The following GNB5 variants were observed in gnomAD, a reference collection of about 807,000 sequenced individuals.
The protein encoded by GNB5 is G protein subunit beta 5, also known as guanine nucleotide-binding protein subunit beta-5.
A neutral mutation model predicts 55.3 loss-of-function variants in GNB5; 37 were observed. The observed-to-expected ratio is 0.67, with a 90% confidence interval of 0.51 to 0.88. GNB5 has a LOEUF of 0.88. GNB5 is among the 40% of genes least tolerant of loss of function. The pLI, the probability that GNB5 is intolerant of heterozygous loss-of-function variation, is 0.00. For missense variants in GNB5, 476 were observed against 515.3 expected, an observed-to-expected ratio of 0.92 and a Z score of 0.74; for synonymous variants, 219 against 198.5, an observed-to-expected ratio of 1.10 and a Z score of -0.87.
At position 52,120,877 on chromosome 15, in the gene GNB5, C is replaced by T. The variant is rs1209458768; in HGVS notation, c.*1880G>A. 4 of 152,262 alleles carry T rather than the reference C, an allele frequency of 2.6e-5. No individual in the cohort carries two copies. Among genetic ancestry groups the T allele is most frequent in the Non-Finnish European group, 5.9e-5 (4 of 68,068 alleles). The allele number at this position is 152,262 out of a possible 1,614,324, so 9.4% of individuals were successfully genotyped here. A position where few individuals can be genotyped will look rare whatever the true frequency, so the allele number is the denominator to read the frequency against. On this transcript the variant is annotated 3_prime_UTR_variant, in exon 13 of 13. Coordinates refer to ENST00000261837, the MANE Select transcript of GNB5 (RefSeq NM_016194.4). ...GAAGGCAGAGGCCCTTCATTTTTCT[C>T]TCTCTACCCCAGACCCCAGTGTACA...
intron 3 of GNB5, among the ~76,000 whole-genome samples, chr15:52,157,778 C>A (rs966720270): frequency 4.0e-5 from 6 of 151,856 alleles, no homozygotes; most frequent in Non-Finnish European, 8.8e-5. Flanking sequence ...ATTATTTTTT[C>A]TCACTACATT....
intron 9 of GNB5, chr15:52,128,620 A>G: frequency 2.0e-6 from 1 of 505,480 alleles, no homozygotes. Context: ...GCCACATTGG[A>G]TGTCTGCACT....
intron 6 of GNB5, among the ~76,000 whole-genome samples, chr15:52,144,679 G>C (rs1260635185): frequency 6.6e-6 from 1 of 152,158 alleles, no homozygotes; most frequent in African/African-American, 2.4e-5. Flanking sequence ...AGAGGAACTT[G>C]AGACTAAAGG....
intron 3 of GNB5, among the ~76,000 whole-genome samples, chr15:52,168,211 T>C (rs2034487610): frequency 6.6e-6 from 1 of 152,224 alleles, no homozygotes; most frequent in African/African-American, 2.4e-5. Context: ...AGTCAAATTA[T>C]CTTTGTTTGC....
chr15:52,153,421 C>A (rs1202402330), intron 4 of GNB5, among the ~76,000 whole-genome samples: 5 of 152,190 alleles, frequency 3.3e-5, no homozygotes, highest in Non-Finnish European at 4.4e-5. Flanking sequence ...GCCTGACTCT[C>A]AGAAACCATG....
Position 52,153,921 on chromosome 15 carries a change from T to A in GNB5, c.375+19A>T. 1 of 1,601,306 alleles carries A rather than the reference T, an allele frequency of 6.2e-7. No homozygotes were observed. The highest frequency in any genetic ancestry group is 8.5e-7 in the Non-Finnish European group (1 of 1,169,754). On this transcript the variant is annotated intron_variant, in intron 4 of 12. Coordinates refer to ENST00000261837, the MANE Select transcript of GNB5 (RefSeq NM_016194.4). ...AAATCCAAAACCCGCTCACCTGTTA[T>A]GCAGCAGGTGTGACATACCTGTGAC...
intron 3 of GNB5, among the ~76,000 whole-genome samples, chr15:52,179,469 C>G (rs1464357917): frequency 2.0e-5 from 3 of 151,970 alleles, no homozygotes; most frequent in Non-Finnish European, 4.4e-5. Context: ...AGAACGCGAT[C>G]CGTTCGCAGC....
At position 52,122,705 on chromosome 15, in the gene GNB5, A is replaced by G. The variant is rs1290177799; in HGVS notation, c.*52T>C. On this transcript the variant is annotated 3_prime_UTR_variant, in exon 13 of 13. Transcript: ENST00000261837. ...TCCTCTAGAAGTAATATCTATTTAC[A>G]TGTGAAGATTTCAAATTCTCAGGTA... 12 of 1,408,834 alleles carry G rather than the reference A, an allele frequency of 8.5e-6. No homozygotes were observed. The East Asian group carries it at 2.5e-4, about 29-fold the overall frequency. 87.3% of individuals were successfully genotyped at this position (1,408,834 alleles called of 1,614,324 possible). A position where few individuals can be genotyped will look rare whatever the true frequency, so the allele number is the denominator to read the frequency against.
chr15:52,175,919 T>G (rs1384972741), intron 3 of GNB5, among the ~76,000 whole-genome samples: 2 of 151,462 alleles, frequency 1.3e-5, no homozygotes, highest in East Asian at 3.9e-4. Context: ...TGTGATGGCA[T>G]GTGCCTGTAA....
intron 3 of GNB5, among the ~76,000 whole-genome samples, chr15:52,177,947 GA>G (rs1329043611): frequency 6.6e-6 from 1 of 151,990 alleles, no homozygotes; most frequent in Non-Finnish European, 1.5e-5. Flanking sequence ...CTCTTGGCAG[GA>G]CAAAAAAAAG....
chr15:52,130,067 C>T (rs2033535596), intron 9 of GNB5, among the ~76,000 whole-genome samples: 1 of 152,202 alleles, frequency 6.6e-6, no homozygotes, highest in Non-Finnish European at 1.5e-5. Flanking sequence ...GGAAAGAAGG[C>T]ATGGTGGTAG....
At chr15:52,156,419 A>C (rs1410697428) in intron 3 of GNB5, among the ~76,000 whole-genome samples, 1 of 152,212 alleles carries the variant, frequency 6.6e-6, no homozygotes, top group Non-Finnish European at 1.5e-5. Flanking sequence ...TCTTTGTGAA[A>C]ACTCAAACTG....
chr15:52,151,589 ATCCACC>A (rs1399390778), intron 4 of GNB5, among the ~76,000 whole-genome samples: 1 of 152,076 alleles, frequency 6.6e-6, no homozygotes, highest in Non-Finnish European at 1.5e-5. Flanking sequence ...CCACACCCAC[ATCCACC>A]TCTTCCTGCT....
At position 52,149,942 on chromosome 15, in the gene GNB5, A is replaced by C. The variant is rs763656727; in HGVS notation, c.376-17T>G. The C allele has an allele frequency of 6.2e-6, 10 of 1,602,386 alleles. No homozygotes were observed. The African/African-American group carries it at 1.2e-4, about 19-fold the overall frequency. ...CTTCCCATCCTGGAGGGAGAAGAGCAAACAGTTTAGGGGTTGTCAAGTTCT... is the reference window on the plus strand; with the variant it reads ...CTTCCCATCCTGGAGGGAGAAGAGCCAACAGTTTAGGGGTTGTCAAGTTCT... On this transcript the variant is annotated splice_polypyrimidine_tract_variant and intron_variant, in intron 4 of 12. Transcript: ENST00000261837.
rs2033280389 is a variant in GNB5, at chr15:52,121,935, T to C, written c.*822A>G. ...GACAAGATTCACTTTAACCTAAGTG[T>C]TTCCACTAATTCTACTAATAGGTTT... On this transcript the variant is annotated 3_prime_UTR_variant, in exon 13 of 13. Transcript: ENST00000261837. The C allele has an allele frequency of 6.6e-6, 1 of 152,218 alleles. No homozygotes were observed. The highest frequency in any genetic ancestry group is 2.4e-5 in the African/African-American group (1 of 41,446). The allele number at this position is 152,218 out of a possible 1,614,324, so 9.4% of individuals were successfully genotyped here.
chr15:52,140,458 G>A (rs2033827093), intron 7 of GNB5, among the ~76,000 whole-genome samples: 9 of 152,168 alleles, frequency 5.9e-5, no homozygotes, highest in Admixed American at 5.9e-4. Flanking sequence ...AACCCCTCCT[G>A]CTCGGAGCTC....
intron 3 of GNB5, among the ~76,000 whole-genome samples, chr15:52,166,271 T>G (rs762131871): frequency 1.3e-5 from 2 of 152,166 alleles, no homozygotes; most frequent in Non-Finnish European, 2.9e-5. Flanking sequence ...CTGGCAACAT[T>G]AGACAGATCA....
chr15:52,133,536 C>T, intron 8 of GNB5, 67 bp from the exon 9 acceptor site: 1 of 980,346 alleles, frequency 1.0e-6, no homozygotes, highest in African/African-American at 1.6e-5. Context: ...GCACGAGTCC[C>T]AGTTATATAA....
At chr15:52,139,666 G>A (rs973963200) in intron 7 of GNB5, 15 of 418,402 alleles carry the variant, frequency 3.6e-5, no homozygotes, top group East Asian at 8.8e-5. Context: ...AGAACACAGC[G>A]GAGCCAAGAT....
Sources: gnomAD v4.1 joint callset for allele counts (sites outside exome capture counted in the v4.1 genomes callset) on GRCh38, gnomAD v4.1.1 for gene constraint, MANE v1.5 for transcripts, NCBI Gene and HGNC (gene_info 2026-07-23, HGNC 2026-07-21) for gene names.